SLC5A4: variants seen among roughly 807,000 people sequenced by gnomAD.
The protein encoded by SLC5A4 is solute carrier family 5 member 4.
A neutral mutation model predicts 70.3 loss-of-function variants in SLC5A4; 55 were observed. The observed-to-expected ratio is 0.78, with a 90% CI of 0.63 to 0.98. The LOEUF (loss-of-function observed/expected upper bound fraction) is 0.98, where lower values mean the gene tolerates loss of function less well. SLC5A4 is among the 50% of genes least tolerant of loss of function. The pLI is 0.00. For missense variants in SLC5A4, 735 were observed against 839.2 expected, an observed-to-expected ratio of 0.88 and a Z score of 1.53; for synonymous variants, 268 against 305.7, an observed-to-expected ratio of 0.88 and a Z score of 1.29.
chr22:32,239,133 A>T (rs1315204281), intron 5 of SLC5A4, 43 bp from the exon 6 acceptor site: 2 of 1,433,212 alleles, frequency 1.4e-6, no homozygotes, highest in Non-Finnish European at 2.0e-6. Context: ...CATGCATTTG[A>T]GGCCACTGGC....
At position 32,230,973 on chromosome 22, in the gene SLC5A4, G is replaced by A. The variant is rs1170731190; in HGVS notation, c.1124C>T (p.Pro375Leu). The change falls in exon 10 of 15, where the codon CCC becomes CTC. Residue 375 changes from proline to leucine, a missense_variant. Coordinates refer to ENST00000266086, the MANE Select transcript of SLC5A4 (RefSeq NM_014227.3). The stretch of plus-strand genomic sequence containing the variant: ...CAGCAGGGACATTTTCCTACCTTGG[G>A]GCATCAGTTCCAGCACCATCGTGGG... ...AYPTMVLELM[P>L]QGLRGLMLSV... 1.9e-6 allele frequency: 3 copies of A among 1,608,784 alleles called. No individual in the cohort carries two copies. Among genetic ancestry groups the A allele is most frequent in the Non-Finnish European group, 2.6e-6 (3 of 1,175,136 alleles).
At position 32,230,957 on chromosome 22, in the gene SLC5A4, C is replaced by T; in HGVS notation, c.1129+11G>A. On this transcript the variant is annotated intron_variant, in intron 10 of 14. Transcript: ENST00000266086. ...GCCTCTGGGGCTGTCCCAGCAGGGACATTTTCCTACCTTGGGGCATCAGTT... is the reference window on the plus strand; with the variant it reads ...GCCTCTGGGGCTGTCCCAGCAGGGATATTTTCCTACCTTGGGGCATCAGTT... 6.3e-7 allele frequency: 1 copy of T among 1,590,872 alleles called. No individual in the cohort carries two copies. The highest frequency in any genetic ancestry group is 1.1e-5 in the South Asian group (1 of 90,520).
the SLC5A4 span, among the ~76,000 whole-genome samples, chr22:32,346,073 C>T: frequency 6.6e-6 from 1 of 152,208 alleles, no homozygotes; most frequent in Admixed American, 6.5e-5. Context: ...AAATTTAAAG[C>T]AGGATATACT....
chr22:32,315,071 TGG>T, the SLC5A4 span, among the ~76,000 whole-genome samples: 2 of 152,104 alleles, frequency 1.3e-5, no homozygotes, highest in Non-Finnish European at 2.9e-5. Flanking sequence ...TACTTAAAAA[TGG>T]TTAAAATGGT....
chr22:32,220,361 TAAAC>T (rs1925005296), intron 14 of SLC5A4, among the ~76,000 whole-genome samples: 1 of 152,228 alleles, frequency 6.6e-6, no homozygotes, highest in Non-Finnish European at 1.5e-5. Flanking sequence ...TGTGAAGTGC[TAAAC>T]CTTATCTGAG....
chr22:32,297,443 A>G, the SLC5A4 span, among the ~76,000 whole-genome samples: 1 of 147,324 alleles, frequency 6.8e-6, no homozygotes, highest in East Asian at 2.0e-4. Context: ...ATTTGCATAG[A>G]GGTGTTTGTA....
the SLC5A4 span, chr22:32,285,048 T>G: frequency 6.6e-6 from 1 of 152,238 alleles, no homozygotes; most frequent in African/African-American, 2.4e-5. Flanking sequence ...ATACATTTTA[T>G]AAAACAGTAT....
At chr22:32,239,943 G>A (rs987172786) in intron 5 of SLC5A4, among the ~76,000 whole-genome samples, 2 of 143,220 alleles carry the variant, frequency 1.4e-5, no homozygotes, top group Non-Finnish European at 3.0e-5. Flanking sequence ...AGAATGGTGT[G>A]AACCTGGGAG....
the SLC5A4 span, among the ~76,000 whole-genome samples, chr22:32,311,188 C>CGCCGCCCTTGCCACCTTCACTGTATT: frequency 6.6e-6 from 1 of 152,196 alleles, no homozygotes; most frequent in African/African-American, 2.4e-5. Context: ...GCAGAACACT[C>CGCCGCCCTTGCCACCTTCACTGTATT]GCCGCCCTTG....
the SLC5A4 span, among the ~76,000 whole-genome samples, chr22:32,323,099 T>G: frequency 6.6e-6 from 1 of 152,208 alleles, no homozygotes; most frequent in Admixed American, 6.5e-5. Flanking sequence ...GACAAAATGT[T>G]GAACCAAACC....
the SLC5A4 span, among the ~76,000 whole-genome samples, chr22:32,336,065 C>G: frequency 1.3e-5 from 2 of 152,222 alleles, no homozygotes; most frequent in Non-Finnish European, 2.9e-5. Context: ...CCTCCCTGAC[C>G]CAGGACAAAG....
chr22:32,260,521 C>A, the SLC5A4 span, among the ~76,000 whole-genome samples: 13,252 of 146,626 alleles, frequency 0.09, 905 homozygotes, highest in African/African-American at 0.2. Context: ...AAAAAAAAAA[C>A]AAAACCAAAA....
At chr22:32,306,560 A>C in the SLC5A4 span, among the ~76,000 whole-genome samples, 1 of 152,024 alleles carries the variant, frequency 6.6e-6, no homozygotes, top group Admixed American at 6.6e-5. Flanking sequence ...ATTATTAGGA[A>C]TGTTTTTGGT....
chr22:32,271,936 C>T, the SLC5A4 span: 25 of 577,428 alleles, frequency 4.3e-5, no homozygotes, highest in Non-Finnish European at 5.3e-5. Flanking sequence ...TGTGCACCTG[C>T]ATCCCACATG....
the SLC5A4 span, among the ~76,000 whole-genome samples, chr22:32,335,912 G>A: frequency 1.3e-5 from 2 of 152,220 alleles, no homozygotes; most frequent in African/African-American, 2.4e-5. Context: ...GGCAAGCCTC[G>A]GTTTCCATCA....
the SLC5A4 span, among the ~76,000 whole-genome samples, chr22:32,281,190 C>T: frequency 3.3e-5 from 5 of 152,338 alleles, no homozygotes; most frequent in South Asian, 2.1e-4. Context: ...TGCTGCCTCC[C>T]GCACTGGGGG....
chr22:32,317,883 T>G, the SLC5A4 span, among the ~76,000 whole-genome samples: 3 of 152,248 alleles, frequency 2.0e-5, no homozygotes, highest in East Asian at 3.8e-4. Flanking sequence ...TCTGCACTTT[T>G]GCTCTCCAGT....
chr22:32,294,571 C>A, the SLC5A4 span, among the ~76,000 whole-genome samples: 2 of 146,344 alleles, frequency 1.4e-5, no homozygotes, highest in Non-Finnish European at 3.0e-5. Flanking sequence ...GCCCCACCCC[C>A]TCCTTAATCC....
At chr22:32,308,705 TTGC>T in the SLC5A4 span, among the ~76,000 whole-genome samples, 21,928 of 152,122 alleles carry the variant, frequency 0.14, 1,781 homozygotes, top group East Asian at 0.33. Context: ...AGCTGCCTAC[TTGC>T]TGCTTTCTAG....
Sources: allele counts gnomAD v4.1 joint callset (sites outside exome capture counted in the v4.1 genomes callset), GRCh38; gene constraint gnomAD v4.1.1; transcripts MANE v1.5; gene names NCBI Gene and HGNC (gene_info 2026-07-23, HGNC 2026-07-21).